Variants in KCNB2 observed in about 807,000 individuals in gnomAD.
KCNB2 encodes potassium voltage-gated channel subfamily B member 2.
In KCNB2, 15 loss-of-function variants were observed where a neutral mutation model predicts 61.5. That is an observed-to-expected ratio of 0.24 (90% CI 0.16 to 0.38). The LOEUF is 0.38. KCNB2 is among the 10% of genes least tolerant of loss of function. The pLI is 1.00. For synonymous variants in KCNB2, 457 were observed against 446.0 expected, an observed-to-expected ratio of 1.02 and a Z score of -0.31; for missense variants, 828 against 1,125.2, an observed-to-expected ratio of 0.74 and a Z score of 3.78.
intron 2 of KCNB2, among the ~76,000 whole-genome samples, chr8:72,837,781 T>C (rs190820292): frequency 2.3e-4 from 35 of 152,108 alleles, no homozygotes; most frequent in African/African-American, 7.7e-4. Flanking sequence ...CTTTTAAAAA[T>C]GAAATTTTTC....
chr8:72,580,618 C>T (rs994740101), intron 2 of KCNB2, among the ~76,000 whole-genome samples: 6 of 152,298 alleles, frequency 3.9e-5, no homozygotes, highest in Non-Finnish European at 8.8e-5. Context: ...ACTAGTCTGT[C>T]TTTGGGATCT....
At chr8:72,684,649 GTA>G (rs548675128) in intron 2 of KCNB2, among the ~76,000 whole-genome samples, 1 of 152,114 alleles carries the variant, frequency 6.6e-6, no homozygotes, top group Non-Finnish European at 1.5e-5. Context: ...CCCTAGTATA[GTA>G]TATCCTGGTA....
chr8:72,682,047 G>A (rs1395815550), intron 2 of KCNB2, among the ~76,000 whole-genome samples: 4 of 152,142 alleles, frequency 2.6e-5, no homozygotes, highest in Admixed American at 1.3e-4. Flanking sequence ...AACAAGAAGG[G>A]TTTTTATTTT....
intron 2 of KCNB2, among the ~76,000 whole-genome samples, chr8:72,933,531 A>G (rs1806833998): frequency 6.6e-6 from 1 of 152,256 alleles, no homozygotes; most frequent in Admixed American, 6.5e-5. Context: ...AATGGCAGTA[A>G]TCCCAATACT....
chr8:72,594,992 C>G (rs1479490008), intron 2 of KCNB2, among the ~76,000 whole-genome samples: 1 of 152,136 alleles, frequency 6.6e-6, no homozygotes, highest in East Asian at 1.9e-4. Context: ...GGCTCAGCAA[C>G]CTGGGACCAT....
intron 2 of KCNB2, among the ~76,000 whole-genome samples, chr8:72,919,258 C>T (rs1461801906): frequency 1.3e-5 from 2 of 152,132 alleles, no homozygotes; most frequent in South Asian, 2.1e-4. Flanking sequence ...GGTTCGTGGC[C>T]GAAGTGGAGT....
chr8:72,634,191 T>C (rs540008443), intron 2 of KCNB2, among the ~76,000 whole-genome samples: 1 of 152,330 alleles, frequency 6.6e-6, no homozygotes. Flanking sequence ...TAGTTGCATT[T>C]TGTAAATGCT....
At position 72,552,272 on chromosome 8, in the gene KCNB2, A is replaced by G. The variant is rs552283038; in HGVS notation, c.-94+14387A>G. ...AACAGAACTTATTTCTTATTTAAGA[A>G]CAGAACTCAGCCTCATAACTTCACA... On this transcript the variant is annotated intron_variant, in intron 1 of 2. Transcript: ENST00000523207. Among the ~76,000 whole-genome samples, 3 of 152,302 alleles carry G rather than the reference A, an allele frequency of 2.0e-5. No homozygotes were observed. The South Asian group carries it at 6.2e-4, about 32-fold the overall frequency.
chr8:72,755,212 A>G (rs1808268552), intron 2 of KCNB2, among the ~76,000 whole-genome samples: 1 of 152,190 alleles, frequency 6.6e-6, no homozygotes, highest in African/African-American at 2.4e-5. Context: ...AGTAACTGTC[A>G]CAGCCAAGAG....
intron 2 of KCNB2, among the ~76,000 whole-genome samples, chr8:72,579,424 A>G (rs1211837990): frequency 6.6e-6 from 1 of 152,154 alleles, no homozygotes; most frequent in Admixed American, 6.5e-5. Context: ...TTTAATCTAT[A>G]AAGAAGGTGT....
intron 2 of KCNB2, among the ~76,000 whole-genome samples, chr8:72,702,716 A>G (rs1288153653): frequency 1.3e-5 from 2 of 152,130 alleles, no homozygotes; most frequent in Non-Finnish European, 2.9e-5. Context: ...AGTGGACTTG[A>G]GCTGTTAAAT....
At chr8:72,766,810 A>G (rs1207478538) in intron 2 of KCNB2, among the ~76,000 whole-genome samples, 2 of 152,174 alleles carry the variant, frequency 1.3e-5, no homozygotes, top group Non-Finnish European at 2.9e-5. Flanking sequence ...TTATTCCTTC[A>G]TTGTCTGAGA....
chr8:72,924,837 A>G (rs1222048978), intron 2 of KCNB2, among the ~76,000 whole-genome samples: 1 of 152,156 alleles, frequency 6.6e-6, no homozygotes, highest in African/African-American at 2.4e-5. Flanking sequence ...GCAACGGAAG[A>G]TTCAGTGAGA....
At chr8:72,600,139 C>G (rs1807270475) in intron 2 of KCNB2, among the ~76,000 whole-genome samples, 1 of 152,186 alleles carries the variant, frequency 6.6e-6, no homozygotes, top group Non-Finnish European at 1.5e-5. Flanking sequence ...AAGACACATG[C>G]ACACGTATGT....
At chr8:72,803,966 G>A (rs1174630671) in intron 2 of KCNB2, among the ~76,000 whole-genome samples, 1 of 152,224 alleles carries the variant, frequency 6.6e-6, no homozygotes, top group Non-Finnish European at 1.5e-5. Context: ...GTAGCAGAAA[G>A]TGGTGTGTTC....
rs1806969759 is a variant in KCNB2, at chr8:72,938,084, G to A, written c.2729G>A (p.Ser910Asn). The A allele has an allele frequency of 3.8e-6, 6 of 1,587,208 alleles. No individual in the cohort carries two copies. Among genetic ancestry groups the A allele is most frequent in the Non-Finnish European group, 5.1e-6 (6 of 1,167,648 alleles). ...DTGYCPTRET[S>N]M The stretch of plus-strand genomic sequence containing the variant: ...GGTTATTGTCCCACACGTGAAACCA[G>A]CATGTGACTAGTTACAAAAGCAATA... The change falls in exon 3 of 3, where the codon AGC becomes AAC. Residue 910 changes from serine (S) to asparagine (N), a missense_variant. Physicochemically the swap from Ser to Asn is conservative, Grantham distance 46. Transcript: ENST00000523207.
intron 2 of KCNB2, among the ~76,000 whole-genome samples, chr8:72,904,898 C>T (rs939330879): frequency 5.3e-5 from 8 of 151,986 alleles, no homozygotes; most frequent in African/African-American, 1.9e-4. Flanking sequence ...AATACAGTAT[C>T]CAGGAAACAG....
intron 2 of KCNB2, among the ~76,000 whole-genome samples, chr8:72,895,471 A>T (rs1227304093): frequency 6.6e-6 from 1 of 152,202 alleles, no homozygotes; most frequent in African/African-American, 2.4e-5. Flanking sequence ...CCTAAAAGGA[A>T]CACAGCCTTG....
intron 2 of KCNB2, among the ~76,000 whole-genome samples, chr8:72,831,764 G>A (rs188386266): frequency 1.3e-5 from 2 of 152,318 alleles, no homozygotes; most frequent in East Asian, 1.9e-4. Flanking sequence ...TGAAATTGGA[G>A]TGAATAACTG....
Sources: gnomAD v4.1 joint callset for allele counts (sites outside exome capture counted in the v4.1 genomes callset) on GRCh38, gnomAD v4.1.1 for gene constraint, MANE v1.5 for transcripts, NCBI Gene and HGNC (gene_info 2026-07-23, HGNC 2026-07-21) for gene names.